QTMAN: variants seen among roughly 807,000 people sequenced by gnomAD.
QTMAN encodes the protein tRNA-queuosine alpha-mannosyltransferase.
chr2:144,291,720 C>T, the QTMAN span, among the ~76,000 whole-genome samples: 2 of 152,148 alleles, frequency 1.3e-5, no homozygotes, highest in African/African-American at 2.4e-5. Flanking sequence ...TCTTATTACC[C>T]GTACTTAATG....
chr2:143,964,216 C>T, the QTMAN span: 2 of 152,036 alleles, frequency 1.3e-5, no homozygotes, highest in South Asian at 2.1e-4. Context: ...GTCTTCATCT[C>T]TTGGTATCCA....
the QTMAN span, among the ~76,000 whole-genome samples, chr2:144,193,334 T>A: frequency 6.6e-6 from 1 of 151,218 alleles, no homozygotes; most frequent in Non-Finnish European, 1.5e-5. Context: ...TTTATTTTTC[T>A]AATTACAAAA....
chr2:144,165,228 G>A, the QTMAN span, among the ~76,000 whole-genome samples: 1 of 152,034 alleles, frequency 6.6e-6, no homozygotes, highest in African/African-American at 2.4e-5. Context: ...ACATTAGCCA[G>A]GCATGGTAGC....
chr2:143,965,060 C>CA, the QTMAN span, among the ~76,000 whole-genome samples: 1 of 142,386 alleles, frequency 7.0e-6, no homozygotes, highest in Non-Finnish European at 1.6e-5. Context: ...TGTTCTTCTT[C>CA]TTTTTTTTTT....
chr2:144,060,931 C>G, the QTMAN span, among the ~76,000 whole-genome samples: 2 of 151,994 alleles, frequency 1.3e-5, no homozygotes, highest in Admixed American at 1.3e-4. Context: ...TAATAATGGT[C>G]TGAACTAACT....
At chr2:144,268,226 T>G in the QTMAN span, among the ~76,000 whole-genome samples, 1 of 152,314 alleles carries the variant, frequency 6.6e-6, no homozygotes, top group East Asian at 1.9e-4. Flanking sequence ...CTCTAATGCC[T>G]GCTCCCTTTC....
At chr2:144,327,240 T>C in the QTMAN span, among the ~76,000 whole-genome samples, 1 of 144,700 alleles carries the variant, frequency 6.9e-6, no homozygotes, top group East Asian at 2.3e-4. Flanking sequence ...CCTTCCCCCA[T>C]ACCCCACCCC....
the QTMAN span, among the ~76,000 whole-genome samples, chr2:144,214,274 T>C: frequency 3.3e-5 from 5 of 152,178 alleles, no homozygotes; most frequent in Admixed American, 1.3e-4. Context: ...TTTAAATTCT[T>C]CTATAAAAAT....
chr2:144,162,804 G>A, the QTMAN span, among the ~76,000 whole-genome samples: 30 of 152,286 alleles, frequency 2.0e-4, no homozygotes, highest in African/African-American at 7.0e-4. Flanking sequence ...GTGTGCATCT[G>A]AAGCTAAGGA....
At chr2:144,101,394 T>TCTCTCTCACA in the QTMAN span, among the ~76,000 whole-genome samples, 7 of 150,120 alleles carry the variant, frequency 4.7e-5, no homozygotes, top group African/African-American at 1.7e-4. Context: ...TATCTCTCTC[T>TCTCTCTCACA]CACACACACA....
At chr2:144,196,115 T>C in the QTMAN span, among the ~76,000 whole-genome samples, 6 of 151,866 alleles carry the variant, frequency 4.0e-5, no homozygotes, top group African/African-American at 1.2e-4. Context: ...CTTTTTCTAA[T>C]ACTAAGCAAT....
the QTMAN span, among the ~76,000 whole-genome samples, chr2:143,982,106 A>AC: frequency 6.6e-6 from 1 of 152,268 alleles, no homozygotes; most frequent in Non-Finnish European, 1.5e-5. Flanking sequence ...ATCACGTGCT[A>AC]TAAATTAACT....
the QTMAN span, among the ~76,000 whole-genome samples, chr2:144,270,440 C>T: frequency 1.2e-4 from 19 of 152,078 alleles, no homozygotes; most frequent in Admixed American, 5.2e-4. Context: ...ATAAAGAAAA[C>T]GCGGCACATA....
the QTMAN span, among the ~76,000 whole-genome samples, chr2:144,306,352 C>A: frequency 4.6e-4 from 70 of 152,276 alleles, no homozygotes; most frequent in African/African-American, 1.7e-3. Flanking sequence ...ACGATATAGA[C>A]TGGGTGGCTC....
the QTMAN span, among the ~76,000 whole-genome samples, chr2:144,037,254 C>T: frequency 6.6e-6 from 1 of 152,190 alleles, no homozygotes; most frequent in South Asian, 2.1e-4. Context: ...CTAAACACCA[C>T]TGAATTCTTT....
At chr2:144,151,673 T>G in the QTMAN span, among the ~76,000 whole-genome samples, 2 of 152,168 alleles carry the variant, frequency 1.3e-5, no homozygotes, top group South Asian at 2.1e-4. Context: ...TGACAGAGTT[T>G]TAATTACAAC....
chr2:144,022,877 T>C, the QTMAN span, among the ~76,000 whole-genome samples: 1 of 152,154 alleles, frequency 6.6e-6, no homozygotes, highest in African/African-American at 2.4e-5. Flanking sequence ...AATTCTCTCT[T>C]TATCAATGTG....
the QTMAN span, among the ~76,000 whole-genome samples, chr2:144,017,085 A>G: frequency 6.6e-6 from 1 of 151,954 alleles, no homozygotes; most frequent in Non-Finnish European, 1.5e-5. Context: ...GCTCACTGCA[A>G]CTTCTGCCTC....
chr2:144,120,213 T>G, the QTMAN span, among the ~76,000 whole-genome samples: 1 of 152,218 alleles, frequency 6.6e-6, no homozygotes, highest in Non-Finnish European at 1.5e-5. Context: ...CTTTCAACCT[T>G]CTTATGCACG....
Sources: allele counts gnomAD v4.1 joint callset (sites outside exome capture counted in the v4.1 genomes callset), GRCh38; gene constraint gnomAD v4.1.1; transcripts MANE v1.5; gene names NCBI Gene and HGNC (gene_info 2026-07-23, HGNC 2026-07-21).